Variants in ZNF605 observed in about 807,000 individuals in gnomAD.
ZNF605 encodes the protein zinc finger protein 605.
Under a neutral mutation model 7.9 loss-of-function variants are expected in ZNF605, and 9 were observed. The observed-to-expected ratio is 1.14, with a 90% CI of 0.68 to 1.98. The LOEUF is 1.98. ZNF605 is among the 30% of genes most tolerant of loss of function. The pLI is 0.00. For missense variants in ZNF605, 673 were observed against 762.4 expected, an observed-to-expected ratio of 0.88 and a Z score of 1.38; for synonymous variants, 255 against 260.1, an observed-to-expected ratio of 0.98 and a Z score of 0.19.
At position 132,941,869 on chromosome 12, in the gene ZNF605, A is replaced by G. The variant is rs1222054921; in HGVS notation, c.15+3752T>C. ...GTCCTTCTTCTCCAGGCTGCCCTCC[A>G]TCACGCACTCTTCTTCTCCAGTTAC... On this transcript the variant is annotated intron_variant, in intron 3 of 4. Coordinates refer to ENST00000360187, the MANE Select transcript of ZNF605 (RefSeq NM_183238.4). The surrounding 1 kb of genome is among the most constrained non-coding windows in gnomAD (Gnocchi z 5.1). Among the ~76,000 whole-genome samples, 1 of 151,770 alleles carries G rather than the reference A, an allele frequency of 6.6e-6. No homozygotes were observed. The highest frequency in any genetic ancestry group is 1.5e-5 in the Non-Finnish European group (1 of 67,958).
chr12:132,926,011 A>C lies in ZNF605; in HGVS notation c.1288T>G (p.Phe430Val). 6.2e-7 allele frequency: 1 copy of C among 1,614,214 alleles called. No homozygotes were observed. The highest frequency in any genetic ancestry group is 8.5e-7 in the Non-Finnish European group (1 of 1,180,032). Residue 430 changes from phenylalanine to valine, a missense_variant, in exon 5 of 5, where the codon TTC becomes GTC. Physicochemically the swap from Phe to Val is conservative, Grantham distance 50. Coordinates refer to ENST00000360187, the MANE Select transcript of ZNF605 (RefSeq NM_183238.4). ...GTTAGGAGCTGGGACTTCCCAAAGA[A>C]GGTTTTCCCACATTGAATGCATCCA... Reference protein sequence around the residue: ...PYGCIQCGKTFFGKSQLLTHH... With the variant: ...PYGCIQCGKTVFGKSQLLTHH...
rs943737227 is a variant in ZNF605 at position 132,918,328 on chromosome 12, T to C, written c.*7045A>G. The stretch of plus-strand genomic sequence containing the variant: ...TGGTTGGAATGGAAACCAGAGTTTA[T>C]TTGCAAATTGCTCCCAGTGATCACA... On this transcript the variant is annotated 3_prime_UTR_variant, in exon 5 of 5. Transcript: ENST00000360187. 1 of 152,370 alleles carries C rather than the reference T, an allele frequency of 6.6e-6. No homozygotes were observed. The highest frequency in any genetic ancestry group is 1.9e-4 in the East Asian group (1 of 5,194). The allele number at this position is 152,370 out of a possible 1,614,324, so 9.4% of individuals were successfully genotyped here. A position where few individuals can be genotyped will look rare whatever the true frequency, so the allele number is the denominator to read the frequency against.
rs1952176028 is a variant in ZNF605 at position 132,918,339 on chromosome 12, C to T, written c.*7034G>A. On this transcript the variant is annotated 3_prime_UTR_variant, in exon 5 of 5. Coordinates refer to ENST00000360187, the MANE Select transcript of ZNF605 (RefSeq NM_183238.4). ...GAAACCAGAGTTTATTTGCAAATTG[C>T]TCCCAGTGATCACACTCACACATAT... The T allele has an allele frequency of 6.6e-6, 1 of 152,190 alleles. No homozygotes were observed. The allele number at this position is 152,190 out of a possible 1,614,324, so 9.4% of individuals were successfully genotyped here.
intron 1 of ZNF605, among the ~76,000 whole-genome samples, chr12:132,948,831 G>T (rs1315964007): frequency 2.6e-5 from 4 of 152,198 alleles, no homozygotes; most frequent in Admixed American, 1.3e-4. Context: ...TCGTTCCCAG[G>T]TGACCCCACG....
chr12:132,945,156 GT>G, intron 3 of ZNF605: 1 of 482,276 alleles, frequency 2.1e-6, no homozygotes, highest in Non-Finnish European at 3.7e-6. Context: ...TAGAGACGGG[GT>G]TTTGCCATGT....
At chr12:132,950,716 C>T (rs1298887433) in intron 1 of ZNF605, among the ~76,000 whole-genome samples, 1 of 148,174 alleles carries the variant, frequency 6.7e-6, no homozygotes, top group Non-Finnish European at 1.5e-5. Context: ...CACACACTCA[C>T]AGATATGTAC....
chr12:132,930,313 C>A (rs1952294626), intron 4 of ZNF605, among the ~76,000 whole-genome samples: 1 of 152,218 alleles, frequency 6.6e-6, no homozygotes, highest in African/African-American at 2.4e-5. Flanking sequence ...GGATTACAGG[C>A]ATGAGCCACC....
At chr12:132,927,249 C>A (rs914258961) in intron 4 of ZNF605, 87 bp from the exon 5 acceptor site, 3 of 979,238 alleles carry the variant, frequency 3.1e-6, no homozygotes, top group African/African-American at 1.7e-5. Flanking sequence ...GCGCCATAAT[C>A]CCAGTTTTTA....
Position 132,926,329 on chromosome 12 carries a change from G to C in ZNF605, c.970C>G (p.Leu324Val). 2.5e-6 allele frequency: 4 copies of C among 1,614,124 alleles called. No individual in the cohort carries two copies. The highest frequency in any genetic ancestry group is 3.4e-6 in the Non-Finnish European group (4 of 1,180,020). ...GTGTGGGTCCTCTGATGAGTAATCA[G>C]CTGCGACTTCCAAAAGAAGGCTTTT... ...CGKAFFWKSQ[L>V]ITHQRTHTGK... The change falls in exon 5 of 5, where the codon CTG becomes GTG. Residue 324 changes from leucine (L) to valine (V), a missense_variant. Transcript: ENST00000360187.
intron 1 of ZNF605, among the ~76,000 whole-genome samples, chr12:132,955,758 T>C (rs1161663200): frequency 6.6e-6 from 1 of 151,354 alleles, no homozygotes; most frequent in Non-Finnish European, 1.5e-5. Context: ...CCTCCAATGC[T>C]CACCCAAAGG....
intron 1 of ZNF605, among the ~76,000 whole-genome samples, chr12:132,952,280 T>C (rs1952581307): frequency 6.6e-6 from 1 of 151,702 alleles, no homozygotes; most frequent in Non-Finnish European, 1.5e-5. Context: ...GCCAACATGG[T>C]GAAACCCCAT....
chr12:132,950,105 C>T (rs1952541785), intron 1 of ZNF605, among the ~76,000 whole-genome samples: 2 of 151,930 alleles, frequency 1.3e-5, no homozygotes, highest in South Asian at 4.2e-4. Context: ...ACAAAGAGAC[C>T]CCATAGTTAC....
intron 1 of ZNF605, among the ~76,000 whole-genome samples, chr12:132,955,656 G>A (rs1185735527): frequency 1.3e-5 from 2 of 152,036 alleles, no homozygotes; most frequent in African/African-American, 2.4e-5. Flanking sequence ...TGTCACAGCC[G>A]GCAGGCTTTC....
chr12:132,946,078 T>C (rs1952492041), intron 2 of ZNF605, among the ~76,000 whole-genome samples: 1 of 152,100 alleles, frequency 6.6e-6, no homozygotes, highest in African/African-American at 2.4e-5. Flanking sequence ...CCTGGCTGGT[T>C]CAAGCAGACA....
intron 2 of ZNF605, among the ~76,000 whole-genome samples, chr12:132,946,604 T>C (rs1952496490): frequency 6.6e-6 from 1 of 152,232 alleles, no homozygotes; most frequent in Admixed American, 6.5e-5. Context: ...CCCCAGTCCC[T>C]GTGGAACTGA....
chr12:132,941,550 C>A lies in ZNF605; in HGVS notation c.15+4071G>T, dbSNP rs1952441345. ...CAGTCCAAACTACACATCAATAGGC[C>A]CAATCATGGGGCGTCTGAGGAACCG... On this transcript the variant is annotated intron_variant, in intron 3 of 4. Coordinates refer to ENST00000360187, the MANE Select transcript of ZNF605 (RefSeq NM_183238.4). The surrounding 1 kb of genome is among the most constrained non-coding windows in gnomAD (Gnocchi z 5.1). Among the ~76,000 whole-genome samples the A allele has an allele frequency of 6.6e-6, 1 of 152,154 alleles. No homozygotes were observed. The highest frequency in any genetic ancestry group is 1.5e-5 in the Non-Finnish European group (1 of 68,036).
intron 3 of ZNF605, among the ~76,000 whole-genome samples, chr12:132,940,747 A>AC (rs113254266): frequency 2.0e-5 from 3 of 152,026 alleles, no homozygotes; most frequent in Admixed American, 1.3e-4. Flanking sequence ...TAAAAAAAAA[A>AC]TAATTTCAAC....
chr12:132,951,664 T>C (rs1952569358), intron 1 of ZNF605, among the ~76,000 whole-genome samples: 5 of 146,710 alleles, frequency 3.4e-5, no homozygotes, highest in Non-Finnish European at 7.4e-5. Flanking sequence ...ACATCCCACA[T>C]AACATACACA....
intron 3 of ZNF605, chr12:132,945,112 CGAGT>C: frequency 2.8e-6 from 1 of 361,038 alleles, no homozygotes. Flanking sequence ...CTCAGCCTCC[CGAGT>C]AGCTGGGAGG....
Sources: gnomAD v4.1 joint callset for allele counts (sites outside exome capture counted in the v4.1 genomes callset) on GRCh38, gnomAD v4.1.1 for gene constraint, Gnocchi (gnomAD v3.1) non-coding constraint, MANE v1.5 for transcripts, NCBI Gene and HGNC (gene_info 2026-07-23, HGNC 2026-07-21) for gene names.